MAGI2: variants seen among roughly 807,000 people sequenced by gnomAD.
MAGI2 encodes membrane-associated guanylate kinase, WW and PDZ domain-containing protein 2.
In MAGI2, 35 loss-of-function variants were observed where a neutral mutation model predicts 133.3. The observed-to-expected ratio is 0.26, with a 90% CI of 0.20 to 0.35. The LOEUF (loss-of-function observed/expected upper bound fraction) is 0.35, where lower values mean the gene tolerates loss of function less well. Ranked by LOEUF, MAGI2 falls within the 10% of genes least tolerant of loss-of-function variation. The pLI is 1.00. For synonymous variants in MAGI2, 729 were observed against 710.6 expected (o/e 1.03, Z -0.41); for missense variants, 1,636 against 1,863.4 (o/e 0.88, Z 2.25).
chr7:78,465,831 TCTTA>T (rs1790565678), intron 6 of MAGI2, among the ~76,000 whole-genome samples: 2 of 152,172 alleles, frequency 1.3e-5, no homozygotes, highest in African/African-American at 4.8e-5. Flanking sequence ...TCAGAATACC[TCTTA>T]CTTTAGGTTC....
chr7:79,003,350 T>A (rs757538072), intron 2 of MAGI2, among the ~76,000 whole-genome samples: 2 of 152,146 alleles, frequency 1.3e-5, no homozygotes, highest in Non-Finnish European at 2.9e-5. Context: ...CTCAGTTAGG[T>A]CTTGTTTTGT....
At chr7:79,208,136 T>C (rs1455431532) in intron 1 of MAGI2, among the ~76,000 whole-genome samples, 1 of 151,774 alleles carries the variant, frequency 6.6e-6, no homozygotes, top group Non-Finnish European at 1.5e-5. Context: ...CAATAACTTT[T>C]TAAATAGGAT....
intron 3 of MAGI2, among the ~76,000 whole-genome samples, chr7:78,570,529 CT>C (rs1471989725): frequency 6.6e-6 from 1 of 152,098 alleles, no homozygotes; most frequent in Admixed American, 6.6e-5. Flanking sequence ...CTCAGATCTG[CT>C]AATATCTGCT....
intron 2 of MAGI2, among the ~76,000 whole-genome samples, chr7:78,876,223 T>G (rs1477504396): frequency 6.8e-6 from 1 of 147,822 alleles, no homozygotes; most frequent in Non-Finnish European, 1.5e-5. Flanking sequence ...CTCAGGAGGC[T>G]GAGGCAGAGA....
intron 1 of MAGI2, among the ~76,000 whole-genome samples, chr7:79,283,141 T>C (rs1171602894): frequency 6.6e-6 from 1 of 152,110 alleles, no homozygotes; most frequent in African/African-American, 2.4e-5. Flanking sequence ...CCAAGAAATC[T>C]GTAGGATTAT....
At chr7:79,141,901 T>G (rs1460846678) in intron 1 of MAGI2, among the ~76,000 whole-genome samples, 2 of 152,134 alleles carry the variant, frequency 1.3e-5, no homozygotes, top group African/African-American at 2.4e-5. Flanking sequence ...AATTTCTGGG[T>G]TTTAATGCAT....
At chr7:78,439,781 A>G (rs759996053) in intron 6 of MAGI2, among the ~76,000 whole-genome samples, 3 of 152,152 alleles carry the variant, frequency 2.0e-5, no homozygotes, top group Non-Finnish European at 4.4e-5. Flanking sequence ...TGTGAGCAGG[A>G]TAAATGTATC....
At chr7:78,655,614 G>C (rs535838716) in intron 2 of MAGI2, among the ~76,000 whole-genome samples, 5 of 152,194 alleles carry the variant, frequency 3.3e-5, no homozygotes, top group African/African-American at 1.2e-4. Flanking sequence ...TCCATGCACA[G>C]ACTCCAATAT....
At chr7:79,188,876 G>A (rs928441330) in intron 1 of MAGI2, among the ~76,000 whole-genome samples, 3 of 151,730 alleles carry the variant, frequency 2.0e-5, no homozygotes, top group Admixed American at 6.6e-5. Context: ...TTCCATATGC[G>A]TGTATATTAT....
chr7:78,448,791 T>C (rs1197533053), intron 6 of MAGI2, among the ~76,000 whole-genome samples: 1 of 152,056 alleles, frequency 6.6e-6, no homozygotes, highest in East Asian at 1.9e-4. Context: ...CAGACACCCA[T>C]ACCCACCTCT....
chr7:79,172,746 A>G (rs1249988972), intron 1 of MAGI2, among the ~76,000 whole-genome samples: 1 of 152,092 alleles, frequency 6.6e-6, no homozygotes, highest in East Asian at 1.9e-4. Context: ...ATTAAACTTA[A>G]GAACAGAAAT....
At chr7:79,225,097 A>G (rs1830737157) in intron 1 of MAGI2, among the ~76,000 whole-genome samples, 1 of 152,168 alleles carries the variant, frequency 6.6e-6, no homozygotes, top group African/African-American at 2.4e-5. Flanking sequence ...CCTCAACCTT[A>G]AGTATCAATC....
At chr7:78,026,524 A>G (rs1476451817) in intron 21 of MAGI2, among the ~76,000 whole-genome samples, 1 of 152,206 alleles carries the variant, frequency 6.6e-6, no homozygotes, top group Admixed American at 6.5e-5. Flanking sequence ...AGAAAGAAAA[A>G]TCTTTTAAGG....
chr7:79,095,624 G>A (rs983459710), intron 1 of MAGI2, among the ~76,000 whole-genome samples: 3 of 152,110 alleles, frequency 2.0e-5, no homozygotes, highest in Admixed American at 6.6e-5. Context: ...CAACAAGAGT[G>A]AGATAAAGAT....
intron 3 of MAGI2, among the ~76,000 whole-genome samples, chr7:78,527,748 A>G (rs1797101912): frequency 6.6e-6 from 1 of 152,230 alleles, no homozygotes; most frequent in African/African-American, 2.4e-5. Context: ...TGATGGAAAC[A>G]TATAATTTGT....
At chr7:79,043,019 A>T (rs1811817245) in intron 1 of MAGI2, among the ~76,000 whole-genome samples, 1 of 152,124 alleles carries the variant, frequency 6.6e-6, no homozygotes, top group South Asian at 2.1e-4. Context: ...AAATCAATAA[A>T]TTATTTGAAA....
In MAGI2 at chr7:79,371,473, T is replaced by C. The variant is rs565133418; in HGVS notation, c.301+81547A>G. Reference sequence around the variant, plus strand: ...ATAGTGGTCTTATAAGATTAAATTATAGTATTTTTACTGTAACTTTTCTAT... The same window carrying C: ...ATAGTGGTCTTATAAGATTAAATTACAGTATTTTTACTGTAACTTTTCTAT... On this transcript the variant is annotated intron_variant, in intron 1 of 21. Transcript: ENST00000354212. 9.6e-4 allele frequency among the ~76,000 whole-genome samples: 146 copies of C among 152,252 alleles called. 1 individual carries two copies. Among genetic ancestry groups the C allele is most frequent in the Non-Finnish European group, 1.8e-3 (124 of 67,998 alleles).
intron 2 of MAGI2, among the ~76,000 whole-genome samples, chr7:78,915,764 G>A (rs1798748281): frequency 6.6e-6 from 1 of 151,328 alleles, no homozygotes; most frequent in Admixed American, 6.6e-5. Context: ...ACCATAGGTA[G>A]TATGGTGACC....
rs11439144 is a variant in MAGI2 at position 79,449,353 on chromosome 7, A to ATTTTTT, written c.301+3661_301+3666dup. Reference sequence around the variant, plus strand: ...CATCTTCCACATGGGAAGAATTAGAATTTTTTTTTTTTTTTGCCTTTTATT... The same window carrying ATTTTTT: ...CATCTTCCACATGGGAAGAATTAGAATTTTTTTTTTTTTTTTTTTTTGCCTTTTATT... On this transcript the variant is annotated intron_variant, in intron 1 of 21. Coordinates refer to ENST00000354212, the MANE Select transcript of MAGI2 (RefSeq NM_012301.4). 2.5e-3 allele frequency among the ~76,000 whole-genome samples: 355 copies of ATTTTTT among 142,916 alleles called. 4 individuals are homozygous for ATTTTTT. Among genetic ancestry groups the ATTTTTT allele is most frequent in the African/African-American group, 8.9e-3 (340 of 38,356 alleles). 93.8% of individuals were successfully genotyped at this position (142,916 alleles called of 152,430 possible). A position where few individuals can be genotyped will look rare whatever the true frequency, so the allele number is the denominator to read the frequency against.
Sources: gnomAD v4.1 joint callset for allele counts (sites outside exome capture counted in the v4.1 genomes callset) on GRCh38, gnomAD v4.1.1 for gene constraint, MANE v1.5 for transcripts, NCBI Gene and HGNC (gene_info 2026-07-23, HGNC 2026-07-21) for gene names.